PREX1: variants seen among roughly 807,000 people sequenced by gnomAD.
PREX1 encodes the protein phosphatidylinositol-3,4,5-trisphosphate dependent Rac exchange factor 1.
PREX1 carries 41 observed loss-of-function variants against 198.3 expected under a neutral mutation model. The observed-to-expected ratio is 0.21, with a 90% confidence interval of 0.16 to 0.27. PREX1 has a LOEUF of 0.27. Ranked by LOEUF, PREX1 falls within the 10% of genes least tolerant of loss-of-function variation. PREX1 has a pLI of 1.00. For synonymous variants in PREX1, 843 were observed against 887.2 expected, an observed-to-expected ratio of 0.95 and a Z score of 0.89; for missense variants, 1,620 against 2,200.7, an observed-to-expected ratio of 0.74 and a Z score of 5.28.
chr20:48,708,355 T>A lies in PREX1; in HGVS notation c.688A>T (p.Met230Leu). The change falls in exon 6 of 40, where the codon ATG becomes TTG. Residue 230 changes from methionine (M) to leucine (L), a missense_variant. By Grantham distance (15) the Met-to-Leu change is conservative. This residue lies in a region of PREX1 where 488 missense variants were observed against 802.5 expected (regional missense o/e 0.61). Transcript: ENST00000371941. ...TTGATGTTGGAGCAAACGGTCTTCA[T>A]GGCCTGCAGGGCACTCTGGACCGCG... ...HPAVQSALQAMKTVCSNINET... is the reference protein window; with the variant it reads ...HPAVQSALQALKTVCSNINET... The A allele has an allele frequency of 6.2e-7, 1 of 1,614,124 alleles. No homozygotes were observed. The highest frequency in any genetic ancestry group is 8.5e-7 in the Non-Finnish European group (1 of 1,180,038).
the PREX1 span, among the ~76,000 whole-genome samples, chr20:48,866,743 A>G: frequency 4.5e-4 from 69 of 152,236 alleles, no homozygotes; most frequent in African/African-American, 4.8e-5. Context: ...CCTGGGCAAC[A>G]TGGCAAAAAT....
At chr20:48,656,383 C>T in intron 18 of PREX1, 1 of 434,228 alleles carries the variant, frequency 2.3e-6, no homozygotes, top group Non-Finnish European at 4.6e-6. Flanking sequence ...CGATCAGAAG[C>T]TTCCAGTGGC....
intron 29 of PREX1, among the ~76,000 whole-genome samples, chr20:48,641,850 GGA>G (rs2089414619): frequency 1.8e-3 from 64 of 36,520 alleles, no homozygotes; most frequent in Admixed American, 3.1e-3. Context: ...GAGGAAGGAA[GGA>G]AGGAAGGAAG....
At position 48,685,180 on chromosome 20, in the gene PREX1, C is replaced by G. The variant is rs144747432; in HGVS notation, c.1334+3477G>C. On this transcript the variant is annotated intron_variant, in intron 10 of 39. Transcript: ENST00000371941. ...TCATCTGTCCTATTCCCGACTGGCA[C>G]ATAGCAGGGACTCGGTAACACTGAG... is the stretch of plus-strand genomic sequence containing the variant. Among the ~76,000 whole-genome samples the G allele has an allele frequency of 2.0e-5, 3 of 152,204 alleles. No individual in the cohort carries two copies. In the East Asian group the frequency reaches 5.8e-4, roughly 29 times the overall value.
chr20:48,848,100 C>G, the PREX1 span, among the ~76,000 whole-genome samples: 9 of 152,090 alleles, frequency 5.9e-5, no homozygotes, highest in Non-Finnish European at 4.4e-5. Flanking sequence ...TTCATTTTTC[C>G]TGAGCAAATA....
the PREX1 span, among the ~76,000 whole-genome samples, chr20:48,846,278 G>C: frequency 6.6e-6 from 1 of 152,214 alleles, no homozygotes; most frequent in African/African-American, 2.4e-5. Context: ...TGGCCCAGGG[G>C]AGAAGTGCAA....
At chr20:48,813,935 T>C (rs535452831) in intron 1 of PREX1, among the ~76,000 whole-genome samples, 10 of 152,332 alleles carry the variant, frequency 6.6e-5, no homozygotes, top group African/African-American at 2.4e-4. Context: ...TTACTACCTT[T>C]GTGTTCAAGG....
chr20:48,757,162 C>G (rs1220857239), intron 1 of PREX1, among the ~76,000 whole-genome samples: 1 of 152,054 alleles, frequency 6.6e-6, no homozygotes, highest in Admixed American at 6.5e-5. Flanking sequence ...CTTCTGAGGC[C>G]TTCCCCGACT....
intron 9 of PREX1, among the ~76,000 whole-genome samples, chr20:48,689,716 A>AG (rs1342102053): frequency 2.6e-5 from 4 of 152,204 alleles, no homozygotes; most frequent in African/African-American, 9.6e-5. Flanking sequence ...CTGCCTAACC[A>AG]GGCCCCCAGT....
chr20:48,670,504 C>T (rs1037251563), intron 14 of PREX1, among the ~76,000 whole-genome samples: 21 of 152,208 alleles, frequency 1.4e-4, no homozygotes, highest in Non-Finnish European at 2.9e-4. Flanking sequence ...CTGCATGTGA[C>T]GGTCGCAGCC....
chr20:48,720,362 G>A (rs1221279615), intron 5 of PREX1, among the ~76,000 whole-genome samples: 2 of 152,114 alleles, frequency 1.3e-5, no homozygotes, highest in African/African-American at 4.8e-5. Context: ...GTTCCAAGGG[G>A]ACAGGGGTTC....
intron 14 of PREX1, among the ~76,000 whole-genome samples, chr20:48,675,354 T>C (rs1294712609): frequency 6.6e-6 from 1 of 152,230 alleles, no homozygotes; most frequent in African/African-American, 2.4e-5. Context: ...GAAGTTTCTG[T>C]TCTTTATAAA....
At chr20:48,688,275 T>C (rs1457780125) in intron 10 of PREX1, among the ~76,000 whole-genome samples, 2 of 152,186 alleles carry the variant, frequency 1.3e-5, no homozygotes, top group African/African-American at 4.8e-5. Flanking sequence ...GTCATGGGTC[T>C]TGCCAGCATT....
intron 1 of PREX1, among the ~76,000 whole-genome samples, chr20:48,770,799 T>C (rs887740261): frequency 3.1e-4 from 47 of 152,152 alleles, no homozygotes; most frequent in African/African-American, 1.1e-3. Context: ...AGGCAACCCC[T>C]TGGCAGCCCT....
At chr20:48,818,532 C>T (rs1287377605) in intron 1 of PREX1, among the ~76,000 whole-genome samples, 3 of 152,170 alleles carry the variant, frequency 2.0e-5, no homozygotes, top group Admixed American at 6.5e-5. Flanking sequence ...GAGGCCAGGG[C>T]GAGATCAAAA....
At chr20:48,858,434 C>T in the PREX1 span, among the ~76,000 whole-genome samples, 1 of 152,246 alleles carries the variant, frequency 6.6e-6, no homozygotes, top group Non-Finnish European at 1.5e-5. Context: ...AATGAATTTG[C>T]ATCTGCCCCC....
intron 3 of PREX1, among the ~76,000 whole-genome samples, chr20:48,737,502 T>A (rs930900615): frequency 1.3e-5 from 2 of 152,054 alleles, no homozygotes; most frequent in African/African-American, 4.8e-5. Flanking sequence ...TTGTGACTAT[T>A]TGATGAATGA....
At chr20:48,864,873 G>C in the PREX1 span, among the ~76,000 whole-genome samples, 35 of 152,214 alleles carry the variant, frequency 2.3e-4, no homozygotes, top group Admixed American at 2.0e-3. Flanking sequence ...CCAGGGCCCT[G>C]TGTGCAATCA....
In PREX1 at chr20:48,699,728, C is replaced by A. The variant is rs527333726; in HGVS notation, c.917+1025G>T. ...ATTATATAACCACCCAGCCTTCCAT[C>A]CATCTATCCATTCACTCAACACACC... On this transcript the variant is annotated intron_variant, in intron 7 of 39. Transcript: ENST00000371941. 1.5e-4 allele frequency among the ~76,000 whole-genome samples: 23 copies of A among 152,320 alleles called. No individual in the cohort carries two copies. The South Asian group carries it at 4.1e-3, about 27-fold the overall frequency.
Sources: gnomAD v4.1 joint callset for allele counts (sites outside exome capture counted in the v4.1 genomes callset) on GRCh38, gnomAD v4.1.1 for gene constraint, gnomAD v4.1.1 regional missense constraint, MANE v1.5 for transcripts, NCBI Gene and HGNC (gene_info 2026-07-23, HGNC 2026-07-21) for gene names.